RAPGEF4: variants seen among roughly 807,000 people sequenced by gnomAD.
The protein encoded by RAPGEF4 is Rap guanine nucleotide exchange factor 4.
Under a neutral mutation model 147.9 loss-of-function variants are expected in RAPGEF4, and 66 were observed. That is an observed-to-expected ratio of 0.45 (90% CI 0.37 to 0.55). RAPGEF4 has a LOEUF of 0.55. RAPGEF4 is among the 20% of genes least tolerant of loss of function. The pLI is 0.00. For missense variants in RAPGEF4, 1,071 were observed against 1,257.3 expected (o/e 0.85, Z 2.24); for synonymous variants, 419 against 442.7 (o/e 0.95, Z 0.67).
chr2:172,855,883 T>G (rs1331375988), intron 4 of RAPGEF4, among the ~76,000 whole-genome samples: 2 of 152,286 alleles, frequency 1.3e-5, no homozygotes, highest in Middle Eastern at 3.4e-3. Flanking sequence ...AGTTTCTCTC[T>G]TTATCTTTGA....
At chr2:172,740,252 T>C (rs143130656) in intron 1 of RAPGEF4, among the ~76,000 whole-genome samples, 6 of 152,336 alleles carry the variant, frequency 3.9e-5, no homozygotes, top group Admixed American at 2.6e-4. Context: ...TCGTTTTCAT[T>C]TGGAAAGGAG....
chr2:172,757,210 A>G (rs1695863517), intron 1 of RAPGEF4, among the ~76,000 whole-genome samples: 2 of 152,260 alleles, frequency 1.3e-5, no homozygotes, highest in Non-Finnish European at 2.9e-5. Flanking sequence ...AGTTAATTTC[A>G]TACAAGTTTA....
chr2:172,781,292 C>T (rs1383788540), intron 1 of RAPGEF4, among the ~76,000 whole-genome samples: 2 of 152,116 alleles, frequency 1.3e-5, no homozygotes, highest in African/African-American at 2.4e-5. Context: ...AGCCTCCAGC[C>T]AGAAGCCAGA....
chr2:172,956,718 C>T (rs1173800267), intron 6 of RAPGEF4, among the ~76,000 whole-genome samples: 1 of 152,208 alleles, frequency 6.6e-6, no homozygotes, highest in Admixed American at 6.5e-5. Context: ...GATCTGCCCG[C>T]CTCAGCCTCC....
chr2:172,940,824 C>T (rs757361989), intron 6 of RAPGEF4, among the ~76,000 whole-genome samples: 3 of 152,086 alleles, frequency 2.0e-5, no homozygotes, highest in East Asian at 1.9e-4. Context: ...GAAGAACTGA[C>T]GTCTTAACAG....
At chr2:172,967,219 C>T in intron 9 of RAPGEF4, 42 bp from the exon 10 acceptor site, 1 of 1,577,564 alleles carries the variant, frequency 6.3e-7, no homozygotes, top group Non-Finnish European at 8.6e-7. Flanking sequence ...AGCTGTGAGG[C>T]CGAGGTGCTG....
At chr2:172,875,244 T>C (rs1318722764) in intron 4 of RAPGEF4, among the ~76,000 whole-genome samples, 1 of 152,326 alleles carries the variant, frequency 6.6e-6, no homozygotes, top group Admixed American at 6.5e-5. Context: ...AGAAGCTCTT[T>C]AGTTTAATTA....
At chr2:172,817,281 A>G (rs749327589) in intron 4 of RAPGEF4, among the ~76,000 whole-genome samples, 178 of 152,342 alleles carry the variant, frequency 1.2e-3, no homozygotes, top group Non-Finnish European at 1.8e-3. Context: ...CTCAGAGCAT[A>G]ATATATCATT....
At chr2:172,976,399 G>A (rs1402338270) in intron 10 of RAPGEF4, among the ~76,000 whole-genome samples, 1 of 152,202 alleles carries the variant, frequency 6.6e-6, no homozygotes, top group Non-Finnish European at 1.5e-5. Flanking sequence ...TTTCCTTTAA[G>A]GGAAGTGGAA....
At chr2:172,996,693 G>A (rs568794854) in intron 16 of RAPGEF4, 139 bp downstream of exon 16, 1 of 604,214 alleles carries the variant, frequency 1.7e-6, no homozygotes, top group African/African-American at 2.0e-5. Context: ...AAGCATCTCT[G>A]TGTGACCTGA....
At chr2:172,905,249 G>A (rs746003166) in intron 4 of RAPGEF4, among the ~76,000 whole-genome samples, 5 of 152,022 alleles carry the variant, frequency 3.3e-5, no homozygotes, top group Non-Finnish European at 5.9e-5. Context: ...GTCATTGTGC[G>A]AATCCAGGTA....
intron 1 of RAPGEF4, among the ~76,000 whole-genome samples, chr2:172,751,306 C>T (rs1559022201): frequency 1.3e-5 from 2 of 152,108 alleles, no homozygotes; most frequent in African/African-American, 2.4e-5. Flanking sequence ...CCTGACCTCA[C>T]GAATTGAAAT....
Position 172,764,252 on chromosome 2 carries a change from C to CA in RAPGEF4, c.65+28217dup, listed in dbSNP as rs11297899. Among the ~76,000 whole-genome samples the CA allele has an allele frequency of 7.2e-3, 1,045 of 145,510 alleles. 13 individuals are homozygous for CA. The highest frequency in any genetic ancestry group is 0.025 in the African/African-American group (972 of 39,372). On this transcript the variant is annotated intron_variant, in intron 1 of 30. Coordinates refer to ENST00000397081, the MANE Select transcript of RAPGEF4 (RefSeq NM_007023.4). The stretch of plus-strand genomic sequence containing the variant: ...TGGGTGACAAAACGAGACCCTGTCT[C>CA]AAAAAAAAAAAAAGAAAGAAAGTAG...
intron 6 of RAPGEF4, 108 bp from the exon 7 acceptor site, chr2:172,960,651 TA>T: frequency 5.2e-6 from 4 of 771,144 alleles, no homozygotes; most frequent in Middle Eastern, 3.8e-4. Flanking sequence ...TTTTAAATTA[TA>T]TTTTGAGTTT....
intron 1 of RAPGEF4, among the ~76,000 whole-genome samples, chr2:172,784,482 C>T (rs1000929472): frequency 2.0e-5 from 3 of 150,398 alleles, no homozygotes; most frequent in Non-Finnish European, 4.4e-5. Flanking sequence ...CGTGCCACTG[C>T]ACTCCAGCCT....
intron 4 of RAPGEF4, among the ~76,000 whole-genome samples, chr2:172,887,352 A>G (rs1240259511): frequency 6.6e-6 from 1 of 152,186 alleles, no homozygotes; most frequent in Non-Finnish European, 1.5e-5. Flanking sequence ...CACCTCACTC[A>G]TTTACTTAAA....
intron 24 of RAPGEF4, 28 bp from the exon 25 acceptor site, chr2:173,027,053 A>G: frequency 2.6e-6 from 4 of 1,550,468 alleles, no homozygotes; most frequent in Non-Finnish European, 3.5e-6. Flanking sequence ...AAAAAAAATA[A>G]GCAAAATTGT....
At chr2:172,814,995 G>A (rs945501297) in intron 4 of RAPGEF4, among the ~76,000 whole-genome samples, 1 of 152,178 alleles carries the variant, frequency 6.6e-6, no homozygotes, top group African/African-American at 2.4e-5. Flanking sequence ...GCTTACCAGA[G>A]CCCCTTAAAG....
At chr2:172,821,600 C>T (rs985534716) in intron 4 of RAPGEF4, 3 of 995,936 alleles carry the variant, frequency 3.0e-6, no homozygotes, top group South Asian at 4.7e-5. Context: ...TTAAACCAAG[C>T]GGAAGCCTGC....
Sources: gnomAD v4.1 joint callset for allele counts (sites outside exome capture counted in the v4.1 genomes callset) on GRCh38, gnomAD v4.1.1 for gene constraint, MANE v1.5 for transcripts, NCBI Gene and HGNC (gene_info 2026-07-23, HGNC 2026-07-21) for gene names.